The following CSNK1A1 variants were observed in gnomAD, a reference collection of about 807,000 sequenced individuals.
CSNK1A1 encodes casein kinase I isoform alpha.
CSNK1A1 carries 7 observed loss-of-function variants against 46.1 expected under a neutral mutation model. That is an observed-to-expected ratio of 0.15 (90% CI 0.09 to 0.29). CSNK1A1 has a LOEUF of 0.29. CSNK1A1 is among the 10% of genes least tolerant of loss of function. The probability of loss-of-function intolerance (pLI) is 1.00; values close to 1 mark genes in which losing one functional copy is unlikely to be tolerated. For missense variants in CSNK1A1, 96 were observed against 417.1 expected (o/e 0.23, Z 6.71); for synonymous variants, 137 against 141.5 (o/e 0.97, Z 0.23).
At position 149,550,137 on chromosome 5, in the gene CSNK1A1, C is replaced by T; in HGVS notation, c.168G>A (p.Gln56=). 6.2e-7 allele frequency: 1 copy of T among 1,614,006 alleles called. No homozygotes were observed. Among genetic ancestry groups the T allele is most frequent in the Non-Finnish European group, 8.5e-7 (1 of 1,179,926 alleles). ...TATAGAGCTTGCTCTCGTACAGCAA[C>T]TGGGGATGCCTGGCCTTCTGAGATT... The part of the protein sequence containing the change: ...KLESQKARHP[Q]LLYESKLYKI... The change falls in exon 2 of 10, where the codon CAG becomes CAA. Residue 56 remains glutamine, a synonymous_variant. Coordinates refer to ENST00000377843, the MANE Select transcript of CSNK1A1 (RefSeq NM_001892.6). The surrounding 1 kb of genome is among the most constrained non-coding windows in gnomAD (Gnocchi z 4.3).
chr5:149,525,820 G>C lies in CSNK1A1; in HGVS notation c.231-649C>G, dbSNP rs1761711840. On this transcript the variant is annotated intron_variant, in intron 2 of 9. Coordinates refer to ENST00000377843, the MANE Select transcript of CSNK1A1 (RefSeq NM_001892.6). This position sits in a 1 kb window ranked among gnomAD's most constrained non-coding sequence, Gnocchi z 4.2. ...AACTGCCAATTTCATTTATCCCAAG[G>C]ACTGAAAATCACTGCAATAAATTAT... 6.6e-6 allele frequency among the ~76,000 whole-genome samples: 1 copy of C among 152,086 alleles called. No homozygotes were observed. Among genetic ancestry groups the C allele is most frequent in the African/African-American group, 2.4e-5 (1 of 41,408 alleles).
Position 149,494,729 on chromosome 5 carries a change from G to A in CSNK1A1, c.*2124C>T, listed in dbSNP as rs984332610. 2 of 152,122 alleles carry A rather than the reference G, an allele frequency of 1.3e-5. No individual in the cohort carries two copies. The highest frequency in any genetic ancestry group is 2.4e-5 in the African/African-American group (1 of 41,438). The allele number at this position is 152,122 out of a possible 1,614,324, so 9.4% of individuals were successfully genotyped here. A position where few individuals can be genotyped will look rare whatever the true frequency, so the allele number is the denominator to read the frequency against. On this transcript the variant is annotated 3_prime_UTR_variant, in exon 10 of 10. Coordinates refer to ENST00000377843, the MANE Select transcript of CSNK1A1 (RefSeq NM_001892.6). ...CAGCTCCAGCTGCAGATGGAATGAC[G>A]ATATACCAGGACAAAAAACACCTAT...
At chr5:149,500,941 CTGAAT>C (rs1760837032) in intron 9 of CSNK1A1, 1 of 982,508 alleles carries the variant, frequency 1.0e-6, no homozygotes, top group Non-Finnish European at 1.2e-6. Context: ...AAAAAACAGA[CTGAAT>C]TGTTTTGTCT....
intron 9 of CSNK1A1, chr5:149,502,535 T>TGGGGGGGGGG (rs1760902546): frequency 5.7e-5 from 2 of 34,872 alleles, no homozygotes; most frequent in African/African-American, 3.4e-4. Flanking sequence ...GGGGGGGGGT[T>TGGGGGGGGGG]GGGGACGATG....
At chr5:149,518,485 A>T (rs1025553182) in intron 4 of CSNK1A1, among the ~76,000 whole-genome samples, 2 of 152,188 alleles carry the variant, frequency 1.3e-5, no homozygotes, top group Non-Finnish European at 1.5e-5. Flanking sequence ...TGACCAAAGA[A>T]TCCAGTCTCA....
At chr5:149,524,243 A>G (rs554743790) in intron 3 of CSNK1A1, among the ~76,000 whole-genome samples, 28 of 152,228 alleles carry the variant, frequency 1.8e-4, no homozygotes, top group African/African-American at 6.5e-4. Flanking sequence ...ACCCTCCATT[A>G]TATTTTTAAA....
chr5:149,547,214 G>C (rs1206041705), intron 2 of CSNK1A1, among the ~76,000 whole-genome samples: 1 of 152,122 alleles, frequency 6.6e-6, no homozygotes, highest in Non-Finnish European at 1.5e-5. Context: ...TTGAAAGTCA[G>C]GTTAATCTGT....
rs941543981 is a variant in CSNK1A1, at chr5:149,550,610, A to G, written c.123+232T>C. ...AAAAAAGCTCGACTAAGGGACATTT[A>G]TGGGACGTGTTTAACAAGGTGGGAA... On this transcript the variant is annotated intron_variant, in intron 1 of 9. Transcript: ENST00000377843. The surrounding 1 kb of genome is among the most constrained non-coding windows in gnomAD (Gnocchi z 4.3). Among the ~76,000 whole-genome samples the G allele has an allele frequency of 5.3e-5, 8 of 151,034 alleles. No individual in the cohort carries two copies. The South Asian group carries it at 8.4e-4, about 16-fold the overall frequency.
Position 149,495,143 on chromosome 5 carries a change from C to T in CSNK1A1, c.*1710G>A, listed in dbSNP as rs757773804. 2.6e-5 allele frequency: 4 copies of T among 151,966 alleles called. No homozygotes were observed. Among genetic ancestry groups the T allele is most frequent in the East Asian group, 1.9e-4 (1 of 5,200 alleles). 9.4% of individuals were successfully genotyped at this position (151,966 alleles called of 1,614,324 possible). A position where few individuals can be genotyped will look rare whatever the true frequency, so the allele number is the denominator to read the frequency against. On this transcript the variant is annotated 3_prime_UTR_variant, in exon 10 of 10. Transcript: ENST00000377843. ...ACTTAATAAAATTTCTTCAGTATTA[C>T]GGTACTAATATCCCTTAATGGCAGA...
intron 2 of CSNK1A1, among the ~76,000 whole-genome samples, chr5:149,546,855 T>C (rs771054179): frequency 6.6e-6 from 1 of 152,200 alleles, no homozygotes; most frequent in Non-Finnish European, 1.5e-5. Context: ...GTATGTACCA[T>C]GTATAGGTGA....
chr5:149,531,702 AAAAAAC>A (rs1307313774), intron 2 of CSNK1A1, among the ~76,000 whole-genome samples: 2 of 86,866 alleles, frequency 2.3e-5, no homozygotes. Flanking sequence ...ACAAAAAAAA[AAAAAAC>A]AAAAAACAAA....
intron 2 of CSNK1A1, among the ~76,000 whole-genome samples, chr5:149,527,117 C>A (rs917671609): frequency 8.1e-5 from 12 of 147,934 alleles, no homozygotes; most frequent in African/African-American, 1.2e-4. Context: ...GTCAACGTGA[C>A]AGCAAAAGAG....
chr5:149,550,726 C>G lies in CSNK1A1; in HGVS notation c.123+116G>C. ...AAGCCAGGAAAACTAGCTCCCTGGA[C>G]TCCCTGGCGAGTGCGTGCGATGAGG... is the stretch of plus-strand genomic sequence containing the variant. On this transcript the variant is annotated intron_variant, in intron 1 of 9. Transcript: ENST00000377843. The surrounding 1 kb of genome is among the most constrained non-coding windows in gnomAD (Gnocchi z 4.3). 7.0e-7 allele frequency: 1 copy of G among 1,427,768 alleles called. No homozygotes were observed. Among genetic ancestry groups the G allele is most frequent in the East Asian group, 2.4e-5 (1 of 41,714 alleles). 88.4% of individuals were successfully genotyped at this position (1,427,768 alleles called of 1,614,324 possible).
chr5:149,537,977 C>A (rs1453457998), intron 2 of CSNK1A1, among the ~76,000 whole-genome samples: 1 of 150,020 alleles, frequency 6.7e-6, no homozygotes, highest in Non-Finnish European at 1.5e-5. Context: ...GAATGCAAGC[C>A]TCACAAAATC....
chr5:149,542,318 A>T (rs1044674057), intron 2 of CSNK1A1, among the ~76,000 whole-genome samples: 10 of 151,880 alleles, frequency 6.6e-5, no homozygotes, highest in Non-Finnish European at 1.3e-4. Context: ...GCTCCCATTG[A>T]TTCTACATCA....
At chr5:149,542,645 T>C (rs1465356048) in intron 2 of CSNK1A1, among the ~76,000 whole-genome samples, 3 of 5,982 alleles carry the variant, frequency 5.0e-4, no homozygotes, top group South Asian at 5.0e-3. Context: ...TATATGTATA[T>C]ATATATATAT....
chr5:149,506,286 G>A (rs1761021619), intron 8 of CSNK1A1, among the ~76,000 whole-genome samples: 1 of 151,926 alleles, frequency 6.6e-6, no homozygotes, highest in African/African-American at 2.4e-5. Flanking sequence ...ACCCAGGTTG[G>A]AGTGCACTGG....
intron 9 of CSNK1A1, chr5:149,504,803 C>A (rs546967840): frequency 7.1e-6 from 7 of 985,168 alleles, no homozygotes; most frequent in Non-Finnish European, 7.2e-6. Context: ...TAAGATCATA[C>A]GTAAACTGCA....
At position 149,496,765 on chromosome 5, in the gene CSNK1A1, G is replaced by A; in HGVS notation, c.*88C>T. 2 of 1,518,626 alleles carry A rather than the reference G, an allele frequency of 1.3e-6. No individual in the cohort carries two copies. The highest frequency in any genetic ancestry group is 2.5e-5 in the South Asian group (2 of 78,468). The allele number at this position is 1,518,626 out of a possible 1,614,324, so 94.1% of individuals were successfully genotyped here. A position where few individuals can be genotyped will look rare whatever the true frequency, so the allele number is the denominator to read the frequency against. ...TGGTTGTCCACAACCACTGGCTAGT[G>A]TACATATGAACTAAAATTTCTAGAT... is the stretch of plus-strand genomic sequence containing the variant. On this transcript the variant is annotated 3_prime_UTR_variant, in exon 10 of 10. Transcript: ENST00000377843.
Sources: allele counts gnomAD v4.1 joint callset (sites outside exome capture counted in the v4.1 genomes callset), GRCh38; gene constraint gnomAD v4.1.1; non-coding constraint Gnocchi (gnomAD v3.1); transcripts MANE v1.5; gene names NCBI Gene and HGNC (gene_info 2026-07-23, HGNC 2026-07-21).